Variants in GABBR2 observed in about 807,000 individuals in gnomAD.
GABBR2 encodes the protein G-protein coupled receptor 51.
Under a neutral mutation model 105.6 loss-of-function variants are expected in GABBR2, and 23 were observed. The observed-to-expected ratio is 0.22, with a 90% CI of 0.16 to 0.31. GABBR2 has a LOEUF of 0.31. Ranked by LOEUF, GABBR2 falls within the 10% of genes least tolerant of loss-of-function variation. The pLI, the probability that GABBR2 is intolerant of heterozygous loss-of-function variation, is 1.00. For missense variants in GABBR2, 734 were observed against 1,245.5 expected, an observed-to-expected ratio of 0.59 and a Z score of 6.18; for synonymous variants, 478 against 499.7, an observed-to-expected ratio of 0.96 and a Z score of 0.58.
At chr9:98,648,353 G>A (rs540040114) in intron 1 of GABBR2, among the ~76,000 whole-genome samples, 18 of 151,910 alleles carry the variant, frequency 1.2e-4, no homozygotes, top group South Asian at 4.2e-4. Flanking sequence ...GGCTGGTCTC[G>A]AACCCCTGAC....
Position 98,291,107 on chromosome 9 carries a change from G to A in GABBR2, c.2661-358C>T, listed in dbSNP as rs761112016. On this transcript the variant is annotated intron_variant, in intron 18 of 18. Transcript: ENST00000259455. The stretch of plus-strand genomic sequence containing the variant: ...AAACCCATTGTAAGTTGAAAATATC[G>A]TAAGTTGAAAAATGCATTTAATCCA... 3.9e-5 allele frequency among the ~76,000 whole-genome samples: 6 copies of A among 152,066 alleles called. No homozygotes were observed. The East Asian group carries it at 7.7e-4, about 20-fold the overall frequency.
At chr9:98,321,493 T>C (rs1830822213) in intron 13 of GABBR2, among the ~76,000 whole-genome samples, 1 of 152,132 alleles carries the variant, frequency 6.6e-6, no homozygotes, top group Non-Finnish European at 1.5e-5. Flanking sequence ...TGCACGTGGG[T>C]GCAACCAGTG....
At chr9:98,629,524 A>G (rs954553149) in intron 1 of GABBR2, among the ~76,000 whole-genome samples, 1 of 152,212 alleles carries the variant, frequency 6.6e-6, no homozygotes, top group African/African-American at 2.4e-5. Flanking sequence ...TTCTCTGCCC[A>G]CAGATATTAA....
At chr9:98,521,279 T>G (rs1203455644) in intron 3 of GABBR2, among the ~76,000 whole-genome samples, 1 of 152,206 alleles carries the variant, frequency 6.6e-6, no homozygotes, top group Non-Finnish European at 1.5e-5. Context: ...GATTGAAGAC[T>G]GACTCATGGC....
At chr9:98,610,696 A>C (rs1420049632) in intron 1 of GABBR2, among the ~76,000 whole-genome samples, 3 of 152,016 alleles carry the variant, frequency 2.0e-5, no homozygotes, top group Non-Finnish European at 2.9e-5. Flanking sequence ...GAGGCACAAA[A>C]GGATTGGTTT....
chr9:98,356,753 G>A (rs1436240887), intron 13 of GABBR2, among the ~76,000 whole-genome samples: 1 of 152,220 alleles, frequency 6.6e-6, no homozygotes, highest in Non-Finnish European at 1.5e-5. Flanking sequence ...AAACTTGGAA[G>A]CAACTAAGAT....
At chr9:98,402,378 T>A (rs1283495004) in intron 8 of GABBR2, among the ~76,000 whole-genome samples, 2 of 152,016 alleles carry the variant, frequency 1.3e-5, no homozygotes, top group Non-Finnish European at 2.9e-5. Flanking sequence ...CATCTACACG[T>A]GGTGTCGTGA....
intron 2 of GABBR2, among the ~76,000 whole-genome samples, chr9:98,543,669 T>C (rs1306534216): frequency 6.6e-6 from 1 of 152,222 alleles, no homozygotes; most frequent in Non-Finnish European, 1.5e-5. Context: ...TCTTCCTATG[T>C]GTAAAAGTAA....
At chr9:98,383,694 T>G (rs555442960) in intron 11 of GABBR2, among the ~76,000 whole-genome samples, 106 of 152,346 alleles carry the variant, frequency 7.0e-4, no homozygotes, top group African/African-American at 2.5e-3. Context: ...CAGCTCACAG[T>G]GAAGTTACTG....
chr9:98,294,170 A>G (rs1015781835), intron 17 of GABBR2, among the ~76,000 whole-genome samples: 2 of 152,226 alleles, frequency 1.3e-5, no homozygotes, highest in Non-Finnish European at 2.9e-5. Context: ...CAAAAAGGGG[A>G]AAATCAAGTC....
intron 1 of GABBR2, among the ~76,000 whole-genome samples, chr9:98,623,136 G>A (rs995530886): frequency 3.9e-5 from 6 of 152,192 alleles, no homozygotes; most frequent in Non-Finnish European, 7.3e-5. Context: ...TTAAAATAAA[G>A]TCTTCAGGCG....
intron 9 of GABBR2, among the ~76,000 whole-genome samples, chr9:98,389,612 C>T (rs1375548253): frequency 6.6e-6 from 1 of 152,220 alleles, no homozygotes; most frequent in Non-Finnish European, 1.5e-5. Flanking sequence ...CCCTGCTGTG[C>T]CAGAACTGGC....
chr9:98,331,476 G>C (rs907831707), intron 13 of GABBR2, among the ~76,000 whole-genome samples: 1 of 144,006 alleles, frequency 6.9e-6, no homozygotes, highest in African/African-American at 2.6e-5. Context: ...TTTCCACAGG[G>C]CCCCGGGCGG....
At chr9:98,300,222 C>T (rs1830446964) in intron 16 of GABBR2, among the ~76,000 whole-genome samples, 2 of 151,994 alleles carry the variant, frequency 1.3e-5, no homozygotes, top group African/African-American at 4.8e-5. Context: ...ACATGCAGGG[C>T]TCGCGAGCTC....
intron 1 of GABBR2, among the ~76,000 whole-genome samples, chr9:98,639,424 G>C (rs556798676): frequency 6.6e-6 from 1 of 152,228 alleles, no homozygotes; most frequent in South Asian, 2.1e-4. Flanking sequence ...CCAGAAGACT[G>C]TCATTGCCCT....
chr9:98,692,037 C>T (rs989789436), intron 1 of GABBR2, among the ~76,000 whole-genome samples: 3 of 152,190 alleles, frequency 2.0e-5, no homozygotes, highest in Non-Finnish European at 4.4e-5. Context: ...GGTAGCCGTC[C>T]TGTGAAGCAG....
intron 1 of GABBR2, among the ~76,000 whole-genome samples, chr9:98,641,972 G>C (rs1588265340): frequency 6.6e-6 from 1 of 152,132 alleles, no homozygotes; most frequent in South Asian, 2.1e-4. Context: ...GGGGCGATTC[G>C]AGGAGTGGTA....
intron 16 of GABBR2, chr9:98,302,855 A>C: frequency 4.9e-6 from 1 of 202,456 alleles, no homozygotes; most frequent in Non-Finnish European, 9.9e-6. Context: ...TGTACATCAC[A>C]TAGATGTGGT....
chr9:98,596,605 G>C (rs557779392), intron 1 of GABBR2, among the ~76,000 whole-genome samples: 2 of 152,250 alleles, frequency 1.3e-5, no homozygotes, highest in African/African-American at 4.8e-5. Flanking sequence ...CATGGAAGGA[G>C]CCGGCGATGT....
Sources: allele counts gnomAD v4.1 joint callset (sites outside exome capture counted in the v4.1 genomes callset), GRCh38; gene constraint gnomAD v4.1.1; transcripts MANE v1.5; gene names NCBI Gene and HGNC (gene_info 2026-07-23, HGNC 2026-07-21).